Variants in PLPP4 observed in about 807,000 individuals in gnomAD.
The protein encoded by PLPP4 is phospholipid phosphatase 4, also known as diacylglycerol pyrophosphate like 2.
A neutral mutation model predicts 32.2 loss-of-function variants in PLPP4; 20 were observed. That is an observed-to-expected ratio of 0.62 (90% CI 0.44 to 0.90). PLPP4 has a LOEUF of 0.90. Ranked by LOEUF, PLPP4 falls within the 40% of genes least tolerant of loss-of-function variation. The pLI is 0.00. For synonymous variants in PLPP4, 127 were observed against 133.0 expected (o/e 0.95, Z 0.31); for missense variants, 257 against 353.1 (o/e 0.73, Z 2.18).
intron 5 of PLPP4, among the ~76,000 whole-genome samples, chr10:120,534,856 C>T (rs578222420): frequency 2.0e-5 from 3 of 152,170 alleles, no homozygotes; most frequent in East Asian, 3.9e-4. Flanking sequence ...TCATCCCTTC[C>T]ATCCCTTCCT....
rs1847324471 is a variant in PLPP4 at position 120,541,171 on chromosome 10, A to C, written c.445+20076A>C. Among the ~76,000 whole-genome samples, 4 of 152,234 alleles carry C rather than the reference A, an allele frequency of 2.6e-5. No individual in the cohort carries two copies. In the South Asian group the frequency reaches 8.3e-4, roughly 32 times the overall value. On this transcript the variant is annotated intron_variant, in intron 5 of 6. Transcript: ENST00000398250. ...ATTTAAGTATGTTTCTATATTGATG[A>C]GAGTAGAATTATTTTCAGACAGACC...
At chr10:120,581,109 C>T in intron 6 of PLPP4, 1 of 1,232,412 alleles carries the variant, frequency 8.1e-7, no homozygotes, top group Non-Finnish European at 1.0e-6. Context: ...TCAAGAGAGG[C>T]ATTCTCAGTC....
intron 1 of PLPP4, among the ~76,000 whole-genome samples, chr10:120,470,109 CATT>C (rs1848452699): frequency 1.3e-5 from 2 of 152,240 alleles, no homozygotes; most frequent in African/African-American, 4.8e-5. Context: ...AGGTGTCCAT[CATT>C]ATGCATCCTT....
intron 5 of PLPP4, among the ~76,000 whole-genome samples, chr10:120,569,382 T>G (rs1467032596): frequency 6.6e-6 from 1 of 152,230 alleles, no homozygotes; most frequent in African/African-American, 2.4e-5. Flanking sequence ...ACCACTGTTC[T>G]TCCTCTGCAC....
At chr10:120,476,566 G>T (rs962526009) in intron 1 of PLPP4, among the ~76,000 whole-genome samples, 1 of 152,152 alleles carries the variant, frequency 6.6e-6, no homozygotes, top group African/African-American at 2.4e-5. Flanking sequence ...GTTGGGTGGG[G>T]TGATACTTTG....
chr10:120,569,396 T>TTG (rs1443010267), intron 5 of PLPP4, among the ~76,000 whole-genome samples: 2 of 152,236 alleles, frequency 1.3e-5, no homozygotes, highest in Admixed American at 6.5e-5. Flanking sequence ...TCTGCACTTC[T>TTG]TGTGCGTTGA....
chr10:120,545,111 T>C (rs11199390), intron 5 of PLPP4, among the ~76,000 whole-genome samples: 8,016 of 152,288 alleles, frequency 0.053, 311 homozygotes, highest in South Asian at 0.2. Flanking sequence ...GGGCTGCCAG[T>C]TTGCCTGCAT....
At position 120,484,364 on chromosome 10, in the gene PLPP4, A is replaced by T. The variant is rs371136634; in HGVS notation, c.57-19454A>T. ...CAGAATACCTGAAATTGGATAATTC[A>T]TAATAAACAGAAATGTATTGGTGCA... On this transcript the variant is annotated intron_variant, in intron 1 of 6. Coordinates refer to ENST00000398250, the MANE Select transcript of PLPP4 (RefSeq NM_001030059.3). Among the ~76,000 whole-genome samples, 181 of 152,316 alleles carry T rather than the reference A, an allele frequency of 1.2e-3. 1 individual carries two copies. In the South Asian group the frequency reaches 0.024, roughly 20 times the overall value.
At chr10:120,512,381 A>C (rs187454412) in intron 2 of PLPP4, among the ~76,000 whole-genome samples, 1 of 152,212 alleles carries the variant, frequency 6.6e-6, no homozygotes, top group African/African-American at 2.4e-5. Context: ...AAACAATCCA[A>C]GTCATTCAGG....
At chr10:120,520,616 CT>C (rs1846108465) in intron 4 of PLPP4, among the ~76,000 whole-genome samples, 1 of 152,196 alleles carries the variant, frequency 6.6e-6, no homozygotes, top group South Asian at 2.1e-4. Flanking sequence ...GAGGACACTG[CT>C]TAGGTGCCTC....
At position 120,572,736 on chromosome 10, in the gene PLPP4, C is replaced by G. The variant is rs540024789; in HGVS notation, c.446-2395C>G. On this transcript the variant is annotated intron_variant, in intron 5 of 6. Transcript: ENST00000398250. ...CAATGGGATCCAACTCTCCAGCCTC[C>G]TCTCCCACTGGAATACCTCAAGGAA... Among the ~76,000 whole-genome samples the G allele has an allele frequency of 1.7e-4, 26 of 152,342 alleles. 1 individual carries two copies. In the East Asian group the frequency reaches 5.0e-3, roughly 29 times the overall value.
chr10:120,479,002 A>G (rs566833707), intron 1 of PLPP4, among the ~76,000 whole-genome samples: 108 of 152,312 alleles, frequency 7.1e-4, no homozygotes, highest in Middle Eastern at 3.4e-3. Flanking sequence ...CAAGGTGGGC[A>G]GATCATGAGG....
chr10:120,553,133 C>T (rs564109780), intron 5 of PLPP4, among the ~76,000 whole-genome samples: 8 of 152,300 alleles, frequency 5.3e-5, no homozygotes, highest in East Asian at 1.9e-4. Context: ...ACACCTATTT[C>T]GGCCAAATCC....
At chr10:120,577,504 A>G (rs749576137) in intron 6 of PLPP4, among the ~76,000 whole-genome samples, 42 of 152,296 alleles carry the variant, frequency 2.8e-4, no homozygotes, top group Non-Finnish European at 5.3e-4. Context: ...GGTGTACCCA[A>G]GGCCTGTTGG....
chr10:120,461,005 A>G (rs1033693361), intron 1 of PLPP4, among the ~76,000 whole-genome samples: 1 of 152,190 alleles, frequency 6.6e-6, no homozygotes, highest in Non-Finnish European at 1.5e-5. Flanking sequence ...ACTGGTGCTA[A>G]ACTGACCACA....
At chr10:120,523,888 G>C (rs910546645) in intron 5 of PLPP4, among the ~76,000 whole-genome samples, 3 of 152,290 alleles carry the variant, frequency 2.0e-5, no homozygotes, top group Admixed American at 6.5e-5. Flanking sequence ...ATCTCAAGCT[G>C]TCAGACTACT....
intron 1 of PLPP4, among the ~76,000 whole-genome samples, chr10:120,465,012 G>A (rs367779512): frequency 3.3e-5 from 5 of 152,132 alleles, no homozygotes; most frequent in African/African-American, 4.8e-5. Flanking sequence ...AAATGCTCCC[G>A]GCACTGCAAA....
At chr10:120,509,937 G>A (rs973161062) in intron 2 of PLPP4, among the ~76,000 whole-genome samples, 4 of 152,272 alleles carry the variant, frequency 2.6e-5, no homozygotes, top group Middle Eastern at 3.4e-3. Flanking sequence ...CTAACATTGT[G>A]GTCAAAAGTG....
chr10:120,503,174 C>T (rs1328131425), intron 1 of PLPP4, among the ~76,000 whole-genome samples: 1 of 152,238 alleles, frequency 6.6e-6, no homozygotes, highest in Admixed American at 6.5e-5. Flanking sequence ...GGCTCAAAAT[C>T]AAAGTCCTCT....
Sources: allele counts gnomAD v4.1 joint callset (sites outside exome capture counted in the v4.1 genomes callset), GRCh38; gene constraint gnomAD v4.1.1; transcripts MANE v1.5; gene names NCBI Gene and HGNC (gene_info 2026-07-23, HGNC 2026-07-21).